The following ZBTB20 variants were observed in gnomAD, a reference collection of about 807,000 sequenced individuals.
ZBTB20 encodes the protein zinc finger and BTB domain-containing protein 20.
Under a neutral mutation model 56.9 loss-of-function variants are expected in ZBTB20, and 9 were observed. That is an observed-to-expected ratio of 0.16 (90% CI 0.10 to 0.28). The LOEUF is 0.28. Ranked by LOEUF, ZBTB20 falls within the 10% of genes least tolerant of loss-of-function variation. The probability of loss-of-function intolerance (pLI) is 1.00; values close to 1 mark genes in which losing one functional copy is unlikely to be tolerated. For synonymous variants in ZBTB20, 417 were observed against 420.7 expected, an observed-to-expected ratio of 0.99 and a Z score of 0.11; for missense variants, 655 against 1,003.0, an observed-to-expected ratio of 0.65 and a Z score of 4.69.
chr3:114,699,536 C>G lies in ZBTB20; in HGVS notation c.-342-5961G>C, dbSNP rs1279813764. ...AAGACCTTTAGAAAAAGAATTGCAA[C>G]TACAATTTCTCAAAAATTCCAGCGA... On this transcript the variant is annotated intron_variant, in intron 5 of 11. Transcript: ENST00000675478. Among the ~76,000 whole-genome samples, 3 of 151,906 alleles carry G rather than the reference C, an allele frequency of 2.0e-5. No homozygotes were observed. In the East Asian group the frequency reaches 5.8e-4, roughly 29 times the overall value.
intron 7 of ZBTB20, among the ~76,000 whole-genome samples, chr3:114,434,084 T>C (rs2090327227): frequency 6.6e-6 from 1 of 152,148 alleles, no homozygotes; most frequent in Non-Finnish European, 1.5e-5. Context: ...TTCTAGATAT[T>C]TTAGATGATT....
chr3:114,376,875 G>A (rs1041029653), intron 10 of ZBTB20, among the ~76,000 whole-genome samples: 3 of 152,160 alleles, frequency 2.0e-5, no homozygotes, highest in Non-Finnish European at 2.9e-5. Flanking sequence ...TAGGGAGGAC[G>A]GCCACAGGGA....
intron 4 of ZBTB20, among the ~76,000 whole-genome samples, chr3:114,852,544 G>A (rs2075055719): frequency 6.6e-6 from 1 of 152,138 alleles, no homozygotes; most frequent in Non-Finnish European, 1.5e-5. Flanking sequence ...GATTACAGGT[G>A]TGAGCCACAC....
At position 114,350,389 on chromosome 3, in the gene ZBTB20, G is replaced by A. The variant is rs147837508; in HGVS notation, c.1689C>T (p.Ser563=). Residue 563 remains serine, a synonymous_variant, in exon 11 of 12, where the codon TCC becomes TCT. Coordinates refer to ENST00000675478, the MANE Select transcript of ZBTB20 (RefSeq NM_001348800.3). ...GCCCACTGGCTGTGCTGTGGCCTGC[G>A]GATGAGGCCAGGGGCTGTGGCGCTG... is the stretch of plus-strand genomic sequence containing the variant. The part of the protein sequence containing the change: ...QLPAPQPLAS[S]AGHSTASGQG... The A allele has an allele frequency of 1.1e-5, 18 of 1,614,028 alleles. No homozygotes were observed. Among genetic ancestry groups the A allele is most frequent in the African/African-American group, 5.3e-5 (4 of 74,898 alleles).
intron 10 of ZBTB20, among the ~76,000 whole-genome samples, chr3:114,356,624 CT>C (rs35727584): frequency 0.32 from 48,719 of 151,920 alleles, 8,221 homozygotes; most frequent in Non-Finnish European, 0.37. Context: ...GTTAGTGGGT[CT>C]TGCACATGAA....
intron 7 of ZBTB20, among the ~76,000 whole-genome samples, chr3:114,473,616 C>T (rs546525321): frequency 1.3e-5 from 2 of 152,056 alleles, no homozygotes; most frequent in African/African-American, 2.4e-5. Context: ...GATCACTGGA[C>T]CCCCAGAGTT....
At chr3:114,699,780 T>C (rs117090919) in intron 5 of ZBTB20, among the ~76,000 whole-genome samples, 1 of 152,204 alleles carries the variant, frequency 6.6e-6, no homozygotes, top group East Asian at 1.9e-4. Context: ...ATTCATTTCA[T>C]GATTCTTAAA....
intron 2 of ZBTB20, among the ~76,000 whole-genome samples, chr3:114,989,669 T>C (rs1160925375): frequency 2.0e-5 from 3 of 152,198 alleles, no homozygotes; most frequent in Non-Finnish European, 2.9e-5. Context: ...GGGGATGGCA[T>C]TGAATATATA....
intron 6 of ZBTB20, chr3:114,658,447 A>G (rs2060533196): frequency 6.6e-6 from 1 of 152,218 alleles, no homozygotes; most frequent in East Asian, 1.9e-4. Context: ...AAAGTATCCC[A>G]GGCCATCAGA....
chr3:114,418,355 G>C (rs1446378584), intron 7 of ZBTB20, among the ~76,000 whole-genome samples: 2 of 151,956 alleles, frequency 1.3e-5, no homozygotes, highest in Non-Finnish European at 2.9e-5. Context: ...CATTTGACCT[G>C]GGAGAGTTTC....
intron 2 of ZBTB20, among the ~76,000 whole-genome samples, chr3:115,037,528 G>A (rs1055521852): frequency 1.2e-4 from 18 of 152,112 alleles, no homozygotes; most frequent in East Asian, 5.8e-4. Flanking sequence ...CAAATGATCC[G>A]CCAGCCTCGA....
chr3:114,329,076 G>A lies in ZBTB20; in HGVS notation c.*9929C>T, dbSNP rs2079152241. On this transcript the variant is annotated 3_prime_UTR_variant, in exon 12 of 12. Coordinates refer to ENST00000675478, the MANE Select transcript of ZBTB20 (RefSeq NM_001348800.3). ...ACTAGACATTAGCCCTTTCAAAGCA[G>A]ACTAAGAGTACGTAGTTCCTTAGTG... 6.6e-6 allele frequency: 1 copy of A among 152,194 alleles called. No individual in the cohort carries two copies. The allele number at this position is 152,194 out of a possible 1,614,324, so 9.4% of individuals were successfully genotyped here. A position where few individuals can be genotyped will look rare whatever the true frequency, so the allele number is the denominator to read the frequency against.
intron 1 of ZBTB20, among the ~76,000 whole-genome samples, chr3:115,089,743 T>C (rs1442894486): frequency 6.6e-6 from 1 of 151,860 alleles, no homozygotes; most frequent in Non-Finnish European, 1.5e-5. Flanking sequence ...AAAACCAGTG[T>C]ATGCAACAAA....
intron 10 of ZBTB20, 61 bp downstream of exon 10, chr3:114,380,156 C>G: frequency 3.5e-6 from 5 of 1,415,550 alleles, no homozygotes; most frequent in Non-Finnish European, 3.7e-6. Flanking sequence ...AAGCCAGAAC[C>G]CAGGGTAGAA....
rs766175236 is a variant in ZBTB20, at chr3:114,886,619, G to A, written c.-417+13685C>T. Among the ~76,000 whole-genome samples, 3 of 152,184 alleles carry A rather than the reference G, an allele frequency of 2.0e-5. No homozygotes were observed. The South Asian group carries it at 6.2e-4, about 32-fold the overall frequency. Reference sequence around the variant, plus strand: ...CACACATGGATTGACAGAAAAGTTGGATGATACCAATGTCAGTTTTTAGTT... The same window carrying A: ...CACACATGGATTGACAGAAAAGTTGAATGATACCAATGTCAGTTTTTAGTT... On this transcript the variant is annotated intron_variant, in intron 4 of 11. Transcript: ENST00000675478.
chr3:114,627,461 A>T (rs1414669758), intron 6 of ZBTB20, among the ~76,000 whole-genome samples: 2 of 152,192 alleles, frequency 1.3e-5, no homozygotes, highest in Non-Finnish European at 2.9e-5. Flanking sequence ...TAATTCTTAC[A>T]TCTTAAGCCT....
intron 2 of ZBTB20, among the ~76,000 whole-genome samples, chr3:114,998,727 T>C (rs1310124550): frequency 6.6e-6 from 1 of 151,638 alleles, no homozygotes; most frequent in Non-Finnish European, 1.5e-5. Flanking sequence ...GGTGGTAATA[T>C]CATTCACAGA....
rs141450267 is a variant in ZBTB20 at position 114,652,952 on chromosome 3, G to A, written c.-295+40576C>T. 8.6e-5 allele frequency among the ~76,000 whole-genome samples: 13 copies of A among 151,796 alleles called. No individual in the cohort carries two copies. In the East Asian group the frequency reaches 1.2e-3, roughly 14 times the overall value. ...AAACTTCATTTTCAAATTATTTGCC[G>A]GTACTACATAAATGCAATCAATTTT... On this transcript the variant is annotated intron_variant, in intron 6 of 11. Transcript: ENST00000675478.
At chr3:114,581,200 G>A (rs2054604130) in intron 6 of ZBTB20, among the ~76,000 whole-genome samples, 1 of 151,918 alleles carries the variant, frequency 6.6e-6, no homozygotes. Flanking sequence ...ATAATGCTGG[G>A]ATAACTGGGT....
Sources: gnomAD v4.1 joint callset for allele counts (sites outside exome capture counted in the v4.1 genomes callset) on GRCh38, gnomAD v4.1.1 for gene constraint, MANE v1.5 for transcripts, NCBI Gene and HGNC (gene_info 2026-07-23, HGNC 2026-07-21) for gene names.